PRTFDC1: variants seen among roughly 807,000 people sequenced by gnomAD.
The protein encoded by PRTFDC1 is phosphoribosyltransferase domain-containing protein 1.
Under a neutral mutation model 34.6 loss-of-function variants are expected in PRTFDC1, and 38 were observed. The ratio of observed to expected loss-of-function variants is 1.10; its 90% CI spans 0.85 to 1.44. The LOEUF is 1.44. PRTFDC1 is among the 40% of genes most tolerant of loss of function. PRTFDC1 has a pLI of 0.00. For missense variants in PRTFDC1, 270 were observed against 283.0 expected (o/e 0.95, Z 0.33); for synonymous variants, 93 against 98.1 (o/e 0.95, Z 0.31).
At chr10:24,919,553 C>G (rs1285386589) in intron 3 of PRTFDC1, among the ~76,000 whole-genome samples, 1 of 152,144 alleles carries the variant, frequency 6.6e-6, no homozygotes, top group East Asian at 1.9e-4. Flanking sequence ...TAGGCAATAC[C>G]AGTCAGGACA....
chr10:24,908,393 C>T (rs1251374808), intron 3 of PRTFDC1: 2 of 1,364,718 alleles, frequency 1.5e-6, no homozygotes, highest in Non-Finnish European at 2.0e-6. Context: ...CATCATCCAG[C>T]AGACACAGTG....
intron 7 of PRTFDC1, among the ~76,000 whole-genome samples, chr10:24,853,158 C>T (rs1362346248): frequency 1.3e-5 from 2 of 151,858 alleles, no homozygotes; most frequent in Non-Finnish European, 1.5e-5. Context: ...CTCATAAATC[C>T]AGAGAGAAAG....
chr10:24,873,668 A>G (rs1416340262), intron 3 of PRTFDC1, among the ~76,000 whole-genome samples: 2 of 152,050 alleles, frequency 1.3e-5, no homozygotes, highest in Non-Finnish European at 2.9e-5. Context: ...ACCCAGTCTC[A>G]GACTTCCCAG....
intron 3 of PRTFDC1, among the ~76,000 whole-genome samples, chr10:24,879,569 A>G (rs1848030770): frequency 6.6e-6 from 1 of 151,876 alleles, no homozygotes; most frequent in Admixed American, 6.6e-5. Context: ...GCTGGTCTGG[A>G]ACTCCTGACC....
At chr10:24,918,879 G>A (rs1848737715) in intron 3 of PRTFDC1, among the ~76,000 whole-genome samples, 1 of 152,106 alleles carries the variant, frequency 6.6e-6, no homozygotes, top group South Asian at 2.1e-4. Flanking sequence ...TGGTAATGGG[G>A]CCCTCCTTCT....
At position 24,941,645 on chromosome 10, in the gene PRTFDC1, G is replaced by T. The variant is rs542208624; in HGVS notation, c.155+685C>A. 2.0e-5 allele frequency among the ~76,000 whole-genome samples: 3 copies of T among 152,206 alleles called. No homozygotes were observed. In the South Asian group the frequency reaches 6.2e-4, roughly 32 times the overall value. ...GATGATTCTCTTGTACAAAGAAAAG[G>T]CTTAGGGTAACCCTACCCCCTACCC... On this transcript the variant is annotated intron_variant, in intron 2 of 8. Transcript: ENST00000320152.
chr10:24,896,661 G>A (rs1354874510), intron 3 of PRTFDC1, among the ~76,000 whole-genome samples: 1 of 152,236 alleles, frequency 6.6e-6, no homozygotes, highest in Non-Finnish European at 1.5e-5. Context: ...CACTCGGTCT[G>A]TTGTGAGGAG....
In PRTFDC1 at chr10:24,872,065, T is replaced by C; in HGVS notation, c.340-2A>G. ...CATCTCACCCATGGACTGGTCATTCTGCAAAAAAGAAGAAAAAAAAGGGAG... is the reference window on the plus strand; with the variant it reads ...CATCTCACCCATGGACTGGTCATTCCGCAAAAAAGAAGAAAAAAAAGGGAG... On this transcript the variant is annotated splice_acceptor_variant, in intron 3 of 8. Coordinates refer to ENST00000320152, the MANE Select transcript of PRTFDC1 (RefSeq NM_020200.7). LOFTEE classifies it high-confidence loss of function. 6.2e-7 allele frequency: 1 copy of C among 1,605,684 alleles called. No homozygotes were observed. Among genetic ancestry groups the C allele is most frequent in the Admixed American group, 1.7e-5 (1 of 59,420 alleles).
At chr10:24,853,083 G>C (rs1847516967) in intron 7 of PRTFDC1, among the ~76,000 whole-genome samples, 1 of 152,004 alleles carries the variant, frequency 6.6e-6, no homozygotes, top group African/African-American at 2.4e-5. Flanking sequence ...AGCAGAAGAG[G>C]TCAGAAGTTA....
At chr10:24,898,848 AC>A (rs1022970729) in intron 3 of PRTFDC1, among the ~76,000 whole-genome samples, 80 of 152,106 alleles carry the variant, frequency 5.3e-4, no homozygotes, top group African/African-American at 1.9e-3. Flanking sequence ...TAAAATCCTC[AC>A]CCCCAATATG....
chr10:24,946,865 T>C (rs1032307582), intron 1 of PRTFDC1, among the ~76,000 whole-genome samples: 4 of 152,212 alleles, frequency 2.6e-5, no homozygotes. Flanking sequence ...GCCTGGCACA[T>C]TGGCTCATGC....
chr10:24,915,929 C>A lies in PRTFDC1; in HGVS notation c.339+21255G>T, dbSNP rs536887936. Among the ~76,000 whole-genome samples, 4 of 152,300 alleles carry A rather than the reference C, an allele frequency of 2.6e-5. No homozygotes were observed. The South Asian group carries it at 8.3e-4, about 32-fold the overall frequency. The stretch of plus-strand genomic sequence containing the variant: ...ACCACGTTTAAACAAACATCTTAAT[C>A]CTCTGCCTCTCTTCCCTGAACTCCA... On this transcript the variant is annotated intron_variant, in intron 3 of 8. Coordinates refer to ENST00000320152, the MANE Select transcript of PRTFDC1 (RefSeq NM_020200.7).
At chr10:24,907,373 T>C (rs1252006710) in intron 3 of PRTFDC1, among the ~76,000 whole-genome samples, 1 of 152,134 alleles carries the variant, frequency 6.6e-6, no homozygotes, top group Non-Finnish European at 1.5e-5. Context: ...GGCGGGTGGA[T>C]CACTTGAGGT....
At chr10:24,880,716 T>C (rs993604282) in intron 3 of PRTFDC1, among the ~76,000 whole-genome samples, 5 of 152,216 alleles carry the variant, frequency 3.3e-5, no homozygotes, top group Admixed American at 3.3e-4. Flanking sequence ...TCCTTTGGGG[T>C]TTCTCAGTGA....
intron 3 of PRTFDC1, among the ~76,000 whole-genome samples, chr10:24,906,299 T>C (rs1303210255): frequency 6.6e-6 from 1 of 152,208 alleles, no homozygotes. Flanking sequence ...TCTGTCTCCA[T>C]GCTTTGTGCT....
At chr10:24,878,660 C>T (rs191433777) in intron 3 of PRTFDC1, among the ~76,000 whole-genome samples, 8 of 152,218 alleles carry the variant, frequency 5.3e-5, no homozygotes, top group African/African-American at 1.9e-4. Flanking sequence ...CGCCAGATAG[C>T]GCAGCAGGGG....
chr10:24,863,850 C>A (rs368888381), intron 4 of PRTFDC1, among the ~76,000 whole-genome samples: 12 of 151,680 alleles, frequency 7.9e-5, no homozygotes, highest in African/African-American at 2.7e-4. Flanking sequence ...CTGAGGTGGG[C>A]GGATTGCTTG....
At chr10:24,885,698 C>A (rs1404213866) in intron 3 of PRTFDC1, among the ~76,000 whole-genome samples, 1 of 152,226 alleles carries the variant, frequency 6.6e-6, no homozygotes, top group East Asian at 1.9e-4. Flanking sequence ...AGCCACCGCA[C>A]CTGGCCAGCA....
At chr10:24,896,463 C>T (rs910998515) in intron 3 of PRTFDC1, among the ~76,000 whole-genome samples, 1 of 152,122 alleles carries the variant, frequency 6.6e-6, no homozygotes, top group Non-Finnish European at 1.5e-5. Flanking sequence ...AGGGTGCTTC[C>T]CCAAGTCTTT....
Sources: gnomAD v4.1 joint callset for allele counts (sites outside exome capture counted in the v4.1 genomes callset) on GRCh38, gnomAD v4.1.1 for gene constraint, MANE v1.5 for transcripts, NCBI Gene and HGNC (gene_info 2026-07-23, HGNC 2026-07-21) for gene names.